The following PAPPA variants were observed in gnomAD, a reference collection of about 807,000 sequenced individuals.
The protein encoded by PAPPA is pappalysin 1.
In PAPPA, 60 loss-of-function variants were observed where a neutral mutation model predicts 164.0. That is an observed-to-expected ratio of 0.37 (90% CI 0.30 to 0.45). PAPPA has a LOEUF of 0.45. Ranked by LOEUF, PAPPA falls within the 20% of genes least tolerant of loss-of-function variation. The probability of loss-of-function intolerance (pLI) is 1.00; values close to 1 mark genes in which losing one functional copy is unlikely to be tolerated. For missense variants in PAPPA, 1,782 were observed against 2,087.3 expected (o/e 0.85, Z 2.85); for synonymous variants, 875 against 814.1 (o/e 1.07, Z -1.27).
rs1846183426 is a variant in PAPPA at position 116,344,634 on chromosome 9, GGTGCCCA to G, written c.3707_3713del (p.Ala1236ValfsTer3). 1 of 1,614,148 alleles carries G rather than the reference GGTGCCCA, an allele frequency of 6.2e-7. No homozygotes were observed. Among genetic ancestry groups the G allele is most frequent in the African/African-American group, 1.3e-5 (1 of 75,030 alleles). On this transcript the variant is annotated frameshift_variant, in exon 14 of 22. Coordinates refer to ENST00000328252, the MANE Select transcript of PAPPA (RefSeq NM_002581.5). LOFTEE classifies it high-confidence loss of function. ...TTGCTCCAGCAGCGACCGCTACCAC[GGTGCCCA>G]GTGTACTGTGAGCTGCCGGACAGGC...
chr9:116,244,594 AAGAG>A (rs1329149071), intron 7 of PAPPA, among the ~76,000 whole-genome samples: 1 of 152,148 alleles, frequency 6.6e-6, no homozygotes, highest in Non-Finnish European at 1.5e-5. Flanking sequence ...CCCTTAAATT[AAGAG>A]AGAGTCTGTA....
At chr9:116,306,341 T>G (rs2118898433) in intron 10 of PAPPA, among the ~76,000 whole-genome samples, 1 of 152,314 alleles carries the variant, frequency 6.6e-6, no homozygotes, top group South Asian at 2.1e-4. Flanking sequence ...GGCTTGAGAA[T>G]ATTGATTAAA....
intron 7 of PAPPA, among the ~76,000 whole-genome samples, chr9:116,260,009 C>T (rs1027400300): frequency 6.6e-6 from 1 of 152,058 alleles, no homozygotes; most frequent in Non-Finnish European, 1.5e-5. Flanking sequence ...GCCAGATCTA[C>T]TTGTAGCAAT....
At chr9:116,339,388 C>T (rs1460414212) in intron 13 of PAPPA, among the ~76,000 whole-genome samples, 1 of 152,158 alleles carries the variant, frequency 6.6e-6, no homozygotes, top group Non-Finnish European at 1.5e-5. Flanking sequence ...TTGAACCCTG[C>T]AGGCTACTGA....
At chr9:116,251,073 A>C (rs921057225) in intron 7 of PAPPA, among the ~76,000 whole-genome samples, 2 of 152,238 alleles carry the variant, frequency 1.3e-5, no homozygotes, top group African/African-American at 2.4e-5. Flanking sequence ...TAATTTCAAA[A>C]CAAACTCAAC....
intron 1 of PAPPA, among the ~76,000 whole-genome samples, chr9:116,177,512 A>G (rs894705045): frequency 1.3e-5 from 2 of 152,180 alleles, no homozygotes; most frequent in South Asian, 4.1e-4. Context: ...GTTAGGTGTG[A>G]AAGGGGATGA....
In PAPPA at chr9:116,399,409, A is replaced by G. The variant is rs1354657074; in HGVS notation, c.*2793A>G. The G allele has an allele frequency of 6.6e-6, 1 of 152,544 alleles. No homozygotes were observed. The highest frequency in any genetic ancestry group is 1.5e-5 in the Non-Finnish European group (1 of 68,026). 9.4% of individuals were successfully genotyped at this position (152,544 alleles called of 1,614,324 possible). A position where few individuals can be genotyped will look rare whatever the true frequency, so the allele number is the denominator to read the frequency against. ...ACCTTAGTGGAGGAGGGTCAGCTCA[A>G]TTTGGGCAATGCATTTGTTCCCAGT... On this transcript the variant is annotated 3_prime_UTR_variant, in exon 22 of 22. Transcript: ENST00000328252.
chr9:116,355,708 CA>C (rs1429977718), intron 17 of PAPPA, among the ~76,000 whole-genome samples: 5 of 152,172 alleles, frequency 3.3e-5, no homozygotes, highest in Admixed American at 3.3e-4. Context: ...TGGGGCCTTC[CA>C]AGTAACTTTC....
intron 7 of PAPPA, among the ~76,000 whole-genome samples, chr9:116,256,931 T>TTTG (rs906670369): frequency 4.9e-5 from 5 of 101,530 alleles, no homozygotes; most frequent in African/African-American, 1.6e-4. Flanking sequence ...TTTTTTAAAG[T>TTTG]TTTTTTTTTA....
intron 12 of PAPPA, among the ~76,000 whole-genome samples, chr9:116,334,238 T>TA (rs397974030): frequency 0.089 from 9,674 of 108,934 alleles, 507 homozygotes; most frequent in African/African-American, 0.13. Context: ...CTGGCTGCAT[T>TA]AAAAAAAAAA....
Position 116,401,414 on chromosome 9 carries a change from G to A in PAPPA, c.*4798G>A, listed in dbSNP as rs1159645161. The A allele has an allele frequency of 1.3e-5, 2 of 152,418 alleles. No individual in the cohort carries two copies. Among genetic ancestry groups the A allele is most frequent in the Non-Finnish European group, 2.9e-5 (2 of 67,992 alleles). The allele number at this position is 152,418 out of a possible 1,614,324, so 9.4% of individuals were successfully genotyped here. ...GCATTCTGAGTGCAAACAAATGGGG[G>A]CTTCTTAAACTACACACCAGCAGTC... is the stretch of plus-strand genomic sequence containing the variant. On this transcript the variant is annotated 3_prime_UTR_variant, in exon 22 of 22. Transcript: ENST00000328252.
At chr9:116,248,044 T>C (rs1226989563) in intron 7 of PAPPA, among the ~76,000 whole-genome samples, 2 of 152,236 alleles carry the variant, frequency 1.3e-5, no homozygotes, top group Admixed American at 1.3e-4. Flanking sequence ...CTTTCTATTG[T>C]TTGATTTTTC....
chr9:116,166,273 G>T (rs1309029969), intron 1 of PAPPA, among the ~76,000 whole-genome samples: 1 of 152,154 alleles, frequency 6.6e-6, no homozygotes, highest in African/African-American at 2.4e-5. Context: ...CTCACATTGG[G>T]CTTTCTAATC....
intron 9 of PAPPA, among the ~76,000 whole-genome samples, chr9:116,280,659 C>A (rs932948834): frequency 1.3e-5 from 2 of 152,226 alleles, no homozygotes; most frequent in Non-Finnish European, 2.9e-5. Flanking sequence ...ATACCTTCTA[C>A]ACTCTCTACC....
chr9:116,337,068 A>G (rs1846070953), intron 13 of PAPPA, among the ~76,000 whole-genome samples: 1 of 152,214 alleles, frequency 6.6e-6, no homozygotes, highest in Non-Finnish European at 1.5e-5. Context: ...AGGCAGTAAG[A>G]GGCAAAATCC....
Position 116,347,033 on chromosome 9 carries a change from C to G in PAPPA, c.3788C>G (p.Pro1263Arg). Reference protein sequence around the residue: ...DDELIKSQTGPSVTVTCTEGK... With the variant: ...DDELIKSQTGRSVTVTCTEGK... ...CACGACTCTGCCTTTCAGACGGGAC[C>G]CAGCGTCACAGTGACCTGTACAGAG... is the stretch of plus-strand genomic sequence containing the variant. The change falls in exon 15 of 22, where the codon CCC (proline) becomes CGC (arginine). Residue 1263 changes from proline to arginine, a missense_variant. Coordinates refer to ENST00000328252, the MANE Select transcript of PAPPA (RefSeq NM_002581.5). The surrounding 1 kb of genome is among the most constrained non-coding windows in gnomAD (Gnocchi z 4.5). The G allele has an allele frequency of 1.2e-6, 2 of 1,611,422 alleles. No homozygotes were observed. The highest frequency in any genetic ancestry group is 1.7e-6 in the Non-Finnish European group (2 of 1,178,644).
chr9:116,324,347 A>G (rs542100845), intron 10 of PAPPA, among the ~76,000 whole-genome samples: 14 of 152,310 alleles, frequency 9.2e-5, no homozygotes, highest in African/African-American at 3.1e-4. Context: ...CATGGTGAGC[A>G]CTGCATGATT....
chr9:116,314,127 A>G (rs1322771277), intron 10 of PAPPA, among the ~76,000 whole-genome samples: 1 of 120,364 alleles, frequency 8.3e-6, no homozygotes, highest in African/African-American at 3.3e-5. Flanking sequence ...GCTGGAGTAT[A>G]GTGGTGCAAT....
At position 116,271,681 on chromosome 9, in the gene PAPPA, T is replaced by C. The variant is rs1233971462; in HGVS notation, c.2953+265T>C. ...GACGGGTAACTTCTTTTGATCAAGC[T>C]TTACCTTACAAACATCCCTGCTTTT... On this transcript the variant is annotated intron_variant, in intron 9 of 21. Coordinates refer to ENST00000328252, the MANE Select transcript of PAPPA (RefSeq NM_002581.5). This position sits in a 1 kb window ranked among gnomAD's most constrained non-coding sequence, Gnocchi z 4.2. 1.3e-5 allele frequency among the ~76,000 whole-genome samples: 2 copies of C among 152,216 alleles called. No homozygotes were observed. The highest frequency in any genetic ancestry group is 2.9e-5 in the Non-Finnish European group (2 of 68,038).
Sources: gnomAD v4.1 joint callset for allele counts (sites outside exome capture counted in the v4.1 genomes callset) on GRCh38, gnomAD v4.1.1 for gene constraint, Gnocchi (gnomAD v3.1) non-coding constraint, MANE v1.5 for transcripts, NCBI Gene and HGNC (gene_info 2026-07-23, HGNC 2026-07-21) for gene names.